The following CNOT1 variants were observed in gnomAD, a reference collection of about 807,000 sequenced individuals.
CNOT1 encodes CCR4-associated factor 1.
In CNOT1, 15 loss-of-function variants were observed where a neutral mutation model predicts 273.8. The observed-to-expected ratio is 0.05, with a 90% CI of 0.04 to 0.08. The LOEUF is 0.08. CNOT1 is among the 10% of genes least tolerant of loss of function. The probability of loss-of-function intolerance (pLI) is 1.00; values close to 1 mark genes in which losing one functional copy is unlikely to be tolerated. For synonymous variants in CNOT1, 1,022 were observed against 1,005.5 expected, an observed-to-expected ratio of 1.02 and a Z score of -0.31; for missense variants, 1,644 against 2,912.2, an observed-to-expected ratio of 0.56 and a Z score of 10.02.
In CNOT1 at chr16:58,547,500, C is replaced by A. The variant is rs1220626932; in HGVS notation, c.3639+66G>T. The A allele has an allele frequency of 5.8e-6, 9 of 1,549,818 alleles. No homozygotes were observed. Among genetic ancestry groups the A allele is most frequent in the South Asian group, 1.2e-5 (1 of 81,960 alleles). ...CCAATAATCATTAAATAGCTCCAAA[C>A]AGCCAATACTTGTAATCATAATGTG... On this transcript the variant is annotated intron_variant, in intron 26 of 48. Transcript: ENST00000317147. The surrounding 1 kb of genome is among the most constrained non-coding windows in gnomAD (Gnocchi z 4.0).
intron 16 of CNOT1, among the ~76,000 whole-genome samples, chr16:58,562,448 G>A (rs1354772787): frequency 2.7e-5 from 4 of 149,788 alleles, no homozygotes; most frequent in Non-Finnish European, 4.5e-5. Flanking sequence ...AGGCTGTAGT[G>A]AGCTATGATC....
At chr16:58,621,644 C>T (rs2043320571) in intron 1 of CNOT1, among the ~76,000 whole-genome samples, 1 of 150,974 alleles carries the variant, frequency 6.6e-6, no homozygotes, top group African/African-American at 2.4e-5. Flanking sequence ...CATGGCCGGG[C>T]ATGGTGGCTC....
At chr16:58,608,560 A>ACAT in intron 1 of CNOT1, among the ~76,000 whole-genome samples, 1 of 151,766 alleles carries the variant, frequency 6.6e-6, no homozygotes, top group South Asian at 2.1e-4. Context: ...TCTCAAAAAA[A>ACAT]AAAAAAAAAG....
chr16:58,586,459 A>AG (rs1567425940), intron 7 of CNOT1, 86 bp downstream of exon 7: 2 of 369,786 alleles, frequency 5.4e-6, no homozygotes, highest in Non-Finnish European at 9.2e-6. Flanking sequence ...GGGGAGGGTG[A>AG]GGGGAGGGGA....
At chr16:58,587,320 A>G (rs1384316977) in intron 5 of CNOT1, 25 bp downstream of exon 5, 6 of 1,613,830 alleles carry the variant, frequency 3.7e-6, no homozygotes, top group East Asian at 2.2e-5. Flanking sequence ...AGTTTTGTCT[A>G]CATCTCTTTT....
chr16:58,596,887 C>CAAAAAAAAAAAA (rs58567423), intron 2 of CNOT1, among the ~76,000 whole-genome samples: 6 of 69,980 alleles, frequency 8.6e-5, no homozygotes, highest in African/African-American at 3.0e-4. Flanking sequence ...GACTCCGTCT[C>CAAAAAAAAAAAA]AAAAAAAAAA....
intron 47 of CNOT1, among the ~76,000 whole-genome samples, chr16:58,522,170 T>C (rs1431919089): frequency 7.3e-6 from 1 of 136,486 alleles, no homozygotes; most frequent in East Asian, 2.1e-4. Flanking sequence ...ATACAAAAAA[T>C]TAGCCGGACG....
At position 58,547,138 on chromosome 16, in the gene CNOT1, A is replaced by G. The variant is rs533950276; in HGVS notation, c.3750+48T>C. 1.9e-6 allele frequency: 3 copies of G among 1,586,266 alleles called. No individual in the cohort carries two copies. Among genetic ancestry groups the G allele is most frequent in the East Asian group, 4.5e-5 (2 of 44,480 alleles). On this transcript the variant is annotated intron_variant, in intron 27 of 48. Transcript: ENST00000317147. The surrounding 1 kb of genome is among the most constrained non-coding windows in gnomAD (Gnocchi z 4.0). ...ATCTCTTGACCTCATGCTAAAACAA[A>G]GCAATGCTTAGAAATTAGTCATAAA...
chr16:58,575,394 G>C (rs528250161), intron 14 of CNOT1, among the ~76,000 whole-genome samples: 1 of 152,228 alleles, frequency 6.6e-6, no homozygotes, highest in East Asian at 1.9e-4. Context: ...TAAACCTAGA[G>C]CAGAACAAGA....
At chr16:58,606,088 T>C (rs2042667499) in intron 1 of CNOT1, among the ~76,000 whole-genome samples, 1 of 152,046 alleles carries the variant, frequency 6.6e-6, no homozygotes, top group South Asian at 2.1e-4. Context: ...TATCAAAAAA[T>C]TTACCAACAA....
Position 58,522,364 on chromosome 16 carries a change from T to G in CNOT1, c.6917+1006A>C, listed in dbSNP as rs565790707. Reference sequence around the variant, plus strand: ...TATCCTTTCACGTACCAACTGTACATGAAGCATAACAAAGATTACAAGTCC... The same window carrying G: ...TATCCTTTCACGTACCAACTGTACAGGAAGCATAACAAAGATTACAAGTCC... On this transcript the variant is annotated intron_variant, in intron 47 of 48. Transcript: ENST00000317147. Among the ~76,000 whole-genome samples the G allele has an allele frequency of 2.6e-5, 4 of 151,754 alleles. No homozygotes were observed. In the South Asian group the frequency reaches 8.3e-4, roughly 32 times the overall value.
At chr16:58,628,935 C>G (rs1379244190) in intron 1 of CNOT1, among the ~76,000 whole-genome samples, 1 of 152,240 alleles carries the variant, frequency 6.6e-6, no homozygotes, top group Non-Finnish European at 1.5e-5. Flanking sequence ...TCTACAAGAC[C>G]TGCCGTGGAT....
At chr16:58,590,827 C>T (rs7185766) in intron 2 of CNOT1, among the ~76,000 whole-genome samples, 59,184 of 152,028 alleles carry the variant, frequency 0.39, 12,909 homozygotes, top group African/African-American at 0.59. Flanking sequence ...AGATCTCTCA[C>T]CCTTGAAAAA....
intron 1 of CNOT1, among the ~76,000 whole-genome samples, chr16:58,615,180 T>TG (rs1567446156): frequency 8.0e-6 from 1 of 125,244 alleles, no homozygotes; most frequent in Non-Finnish European, 1.9e-5. Flanking sequence ...GTCTAGCACA[T>TG]GGAGAATCCA....
intron 13 of CNOT1, among the ~76,000 whole-genome samples, chr16:58,577,011 A>G (rs1250335272): frequency 2.6e-5 from 4 of 152,170 alleles, no homozygotes; most frequent in Admixed American, 1.3e-4. Flanking sequence ...ATGTATCACT[A>G]CTTCTGGGAG....
intron 31 of CNOT1, chr16:58,543,121 A>C (rs1567395680): frequency 1.5e-6 from 2 of 1,307,132 alleles, no homozygotes; most frequent in African/African-American, 1.5e-5. Flanking sequence ...GGCAAAAAAC[A>C]ACCAAAAAAA....
chr16:58,612,492 A>T (rs2042935011), intron 1 of CNOT1, among the ~76,000 whole-genome samples: 1 of 152,146 alleles, frequency 6.6e-6, no homozygotes, highest in Non-Finnish European at 1.5e-5. Context: ...TAATCCCAGC[A>T]CTTTGGGAGG....
At chr16:58,591,556 C>T (rs2042053313) in intron 2 of CNOT1, among the ~76,000 whole-genome samples, 1 of 152,056 alleles carries the variant, frequency 6.6e-6, no homozygotes, top group Non-Finnish European at 1.5e-5. Flanking sequence ...GAGTTCGAGA[C>T]CAGCCTGACC....
At chr16:58,588,395 T>A (rs1468140893) in intron 3 of CNOT1, among the ~76,000 whole-genome samples, 1 of 152,194 alleles carries the variant, frequency 6.6e-6, no homozygotes, top group Admixed American at 6.5e-5. Flanking sequence ...CAAAGTCTAT[T>A]AGCAGCAAAA....
Sources: gnomAD v4.1 joint callset for allele counts (sites outside exome capture counted in the v4.1 genomes callset) on GRCh38, gnomAD v4.1.1 for gene constraint, Gnocchi (gnomAD v3.1) non-coding constraint, MANE v1.5 for transcripts, NCBI Gene and HGNC (gene_info 2026-07-23, HGNC 2026-07-21) for gene names.